The following VSTM5 variants were observed in gnomAD, a reference collection of about 807,000 sequenced individuals.
VSTM5 encodes the protein V-set and transmembrane domain containing 5, also known as V-set and transmembrane domain-containing protein 5.
In VSTM5, 21 loss-of-function variants were observed where a neutral mutation model predicts 20.3. The ratio of observed to expected loss-of-function variants is 1.03; its 90% CI spans 0.73 to 1.49. The LOEUF is 1.49. VSTM5 is among the 40% of genes most tolerant of loss of function. The probability of loss-of-function intolerance (pLI) is 0.00; values close to 1 mark genes in which losing one functional copy is unlikely to be tolerated. For synonymous variants in VSTM5, 100 were observed against 102.5 expected (o/e 0.98, Z 0.14); for missense variants, 219 against 250.0 (o/e 0.88, Z 0.84).
At chr11:93,832,139 A>C (rs1365459971) in intron 1 of VSTM5, among the ~76,000 whole-genome samples, 1 of 152,236 alleles carries the variant, frequency 6.6e-6, no homozygotes, top group East Asian at 1.9e-4. Flanking sequence ...GTAGCAGCAA[A>C]AGACTGGAGA....
chr11:93,838,580 C>T (rs1266560901), intron 1 of VSTM5, among the ~76,000 whole-genome samples: 3 of 151,002 alleles, frequency 2.0e-5, no homozygotes, highest in African/African-American at 4.9e-5. Flanking sequence ...TCACTTGAGC[C>T]CAGGAGTTCA....
chr11:93,832,971 T>C (rs1291925699), intron 1 of VSTM5, among the ~76,000 whole-genome samples: 1 of 152,124 alleles, frequency 6.6e-6, no homozygotes, highest in Non-Finnish European at 1.5e-5. Context: ...GGGAGACAGA[T>C]ATGACAAAAA....
intron 1 of VSTM5, chr11:93,827,778 C>G (rs1326943085): frequency 6.7e-6 from 1 of 150,182 alleles, no homozygotes; most frequent in Admixed American, 6.6e-5. Context: ...CAAGAATGAG[C>G]TTTGTATGGG....
In VSTM5 at chr11:93,820,238, T is replaced by G; in HGVS notation, c.*331A>C. The G allele has an allele frequency of 8.9e-6, 3 of 337,680 alleles. No individual in the cohort carries two copies. Among genetic ancestry groups the G allele is most frequent in the Non-Finnish European group, 1.1e-5 (2 of 180,236 alleles). The allele number at this position is 337,680 out of a possible 1,614,324, so 20.9% of individuals were successfully genotyped here. On this transcript the variant is annotated 3_prime_UTR_variant, in exon 4 of 4. Transcript: ENST00000409977. ...CAGGGACTCTGACAACAGGCCATCC[T>G]GCACACCAGAGCAAGTGTCGTGAGC... is the stretch of plus-strand genomic sequence containing the variant.
chr11:93,836,437 G>A (rs1344707275), intron 1 of VSTM5, among the ~76,000 whole-genome samples: 1 of 152,198 alleles, frequency 6.6e-6, no homozygotes, highest in Non-Finnish European at 1.5e-5. Flanking sequence ...TTAGGCCTCA[G>A]CATCCTCAGC....
At position 93,820,521 on chromosome 11, in the gene VSTM5, G is replaced by C. The variant is rs780036946; in HGVS notation, c.*48C>G. On this transcript the variant is annotated 3_prime_UTR_variant, in exon 4 of 4. Coordinates refer to ENST00000409977, the MANE Select transcript of VSTM5 (RefSeq NM_001144871.2). ...ATAGCTGTGCTTGCTCTTTTTGTTG[G>C]AGAATGGTTTCCTCTTGAGGTAGGA... The C allele has an allele frequency of 9.7e-6, 15 of 1,547,844 alleles. No homozygotes were observed. In the South Asian group the frequency reaches 1.4e-4, roughly 15 times the overall value.
Position 93,821,219 on chromosome 11 carries a change from C to G in VSTM5, c.196G>C (p.Glu66Gln). Reference sequence around the variant, plus strand: ...CCCCAATTGGATGAATATGTCCATTCGATGGTGGGCACTCCATGACAGGAG... The same window carrying G: ...CCCCAATTGGATGAATATGTCCATTGGATGGTGGGCACTCCATGACAGGAG... The part of the protein sequence containing the change: ...EYSCHGVPTI[E>Q]WTYSSNWGTQ... The change falls in exon 2 of 4, where the codon GAA becomes CAA. Residue 66 changes from glutamate (E) to glutamine (Q), a missense_variant. Physicochemically the swap from Glu to Gln is conservative, Grantham distance 29. Transcript: ENST00000409977. 2 of 1,551,992 alleles carry G rather than the reference C, an allele frequency of 1.3e-6. No individual in the cohort carries two copies. Among genetic ancestry groups the G allele is most frequent in the Non-Finnish European group, 1.7e-6 (2 of 1,147,074 alleles).
At chr11:93,847,970 T>G (rs1421155738) in intron 1 of VSTM5, among the ~76,000 whole-genome samples, 1 of 152,192 alleles carries the variant, frequency 6.6e-6, no homozygotes, top group Non-Finnish European at 1.5e-5. Context: ...TCTCTCTTCC[T>G]CTTCTTATAA....
At chr11:93,828,499 G>T (rs1319643298) in intron 1 of VSTM5, among the ~76,000 whole-genome samples, 1 of 152,052 alleles carries the variant, frequency 6.6e-6, no homozygotes, top group Non-Finnish European at 1.5e-5. Flanking sequence ...TTCAGAAGGG[G>T]GATATATTTC....
chr11:93,835,770 T>C (rs1376340792), intron 1 of VSTM5, among the ~76,000 whole-genome samples: 3 of 152,164 alleles, frequency 2.0e-5, no homozygotes, highest in African/African-American at 4.8e-5. Flanking sequence ...GCACACAGAA[T>C]TGAGTCTACA....
intron 1 of VSTM5, among the ~76,000 whole-genome samples, chr11:93,838,513 C>T (rs978561522): frequency 2.0e-5 from 3 of 151,218 alleles, no homozygotes; most frequent in Admixed American, 6.6e-5. Context: ...GCAACCAGGC[C>T]GAGCACAGTG....
chr11:93,827,231 A>G (rs552934830), intron 1 of VSTM5, among the ~76,000 whole-genome samples: 18 of 152,236 alleles, frequency 1.2e-4, no homozygotes, highest in African/African-American at 4.1e-4. Context: ...TAAAAATACA[A>G]AATTAGCCAG....
At chr11:93,820,969 G>T in intron 2 of VSTM5, 28 bp downstream of exon 2, 2 of 1,551,008 alleles carry the variant, frequency 1.3e-6, no homozygotes, top group Non-Finnish European at 1.7e-6. Context: ...CAGTTCAGAG[G>T]GGTGCCCGGG....
chr11:93,831,967 C>A (rs1042799175), intron 1 of VSTM5, among the ~76,000 whole-genome samples: 4 of 152,152 alleles, frequency 2.6e-5, no homozygotes, highest in Admixed American at 6.5e-5. Context: ...ATGGGTGGAA[C>A]CTGCTTGGAT....
At chr11:93,849,749 C>G (rs11020538) in intron 1 of VSTM5, among the ~76,000 whole-genome samples, 19,982 of 152,228 alleles carry the variant, frequency 0.13, 1,378 homozygotes, top group African/African-American at 0.16. Flanking sequence ...AAGAGAGCCT[C>G]TGGGACTACG....
intron 1 of VSTM5, among the ~76,000 whole-genome samples, chr11:93,833,076 T>C (rs1396525909): frequency 6.6e-6 from 1 of 152,224 alleles, no homozygotes; most frequent in Admixed American, 6.5e-5. Context: ...TGAGATGTAC[T>C]CTAAGTATAA....
chr11:93,821,398 T>A lies in VSTM5; in HGVS notation c.92-75A>T, dbSNP rs937029938. 88 of 1,294,712 alleles carry A rather than the reference T, an allele frequency of 6.8e-5. No homozygotes were observed. In the African/African-American group the frequency reaches 1.3e-3, roughly 19 times the overall value. 80.2% of individuals were successfully genotyped at this position (1,294,712 alleles called of 1,614,324 possible). The stretch of plus-strand genomic sequence containing the variant: ...GAAGTGAACTTATATAATTTGTTGA[T>A]CTATTACACAAATATTTATTGTGTG... On this transcript the variant is annotated intron_variant, in intron 1 of 3. Coordinates refer to ENST00000409977, the MANE Select transcript of VSTM5 (RefSeq NM_001144871.2).
intron 1 of VSTM5, among the ~76,000 whole-genome samples, chr11:93,835,787 A>C (rs1479591484): frequency 1.3e-5 from 2 of 152,230 alleles, no homozygotes; most frequent in Non-Finnish European, 2.9e-5. Flanking sequence ...TACAGCCATG[A>C]CTATCTGGAA....
At chr11:93,848,009 C>T (rs2135741836) in intron 1 of VSTM5, among the ~76,000 whole-genome samples, 1 of 152,306 alleles carries the variant, frequency 6.6e-6, no homozygotes, top group South Asian at 2.1e-4. Context: ...GGGATCCCAC[C>T]TCAAGACCTC....
Sources: allele counts gnomAD v4.1 joint callset (sites outside exome capture counted in the v4.1 genomes callset), GRCh38; gene constraint gnomAD v4.1.1; transcripts MANE v1.5; gene names NCBI Gene and HGNC (gene_info 2026-07-23, HGNC 2026-07-21).